The following IBTK variants were observed in gnomAD, a reference collection of about 807,000 sequenced individuals.
The protein encoded by IBTK is inhibitor of Bruton tyrosine kinase.
IBTK carries 83 observed loss-of-function variants against 154.9 expected under a neutral mutation model. The ratio of observed to expected loss-of-function variants is 0.54; its 90% confidence interval spans 0.45 to 0.64. The LOEUF is 0.64. IBTK is among the 30% of genes least tolerant of loss of function. The pLI is 0.00. For synonymous variants in IBTK, 515 were observed against 536.1 expected (o/e 0.96, Z 0.54); for missense variants, 1,332 against 1,584.6 (o/e 0.84, Z 2.71).
At position 82,214,529 on chromosome 6, in the gene IBTK, A is replaced by G. The variant is rs1769793083; in HGVS notation, c.1902T>C (p.Phe634=). The change falls in exon 12 of 29, where the codon TTT becomes TTC. Residue 634 remains phenylalanine (F), a synonymous_variant. Transcript: ENST00000306270. The part of the protein sequence containing the change: ...HPDMFEYLLQ[F]IYTDTCDFLT... ...AAAAGTCACAAGTATCTGTGTATAT[A>G]AATTGTAAAAGGTATTCAAACATGT... The G allele has an allele frequency of 1.2e-6, 2 of 1,613,942 alleles. No homozygotes were observed. The highest frequency in any genetic ancestry group is 8.5e-7 in the Non-Finnish European group (1 of 1,179,958).
chr6:82,234,967 TCTC>T (rs1268543676), intron 2 of IBTK, among the ~76,000 whole-genome samples: 2 of 151,874 alleles, frequency 1.3e-5, no homozygotes, highest in African/African-American at 4.8e-5. Flanking sequence ...TTCAAACAAT[TCTC>T]CTGACTCAGC....
chr6:82,191,090 G>T lies in IBTK; in HGVS notation c.3558C>A (p.Pro1186=). 6.4e-7 allele frequency: 1 copy of T among 1,572,546 alleles called. No individual in the cohort carries two copies. The highest frequency in any genetic ancestry group is 8.6e-7 in the Non-Finnish European group (1 of 1,157,736). The change falls in exon 25 of 29, where the codon CCC becomes CCA. Residue 1186 remains proline (P), a synonymous_variant. Transcript: ENST00000306270. The part of the protein sequence containing the change: ...ETVLFTPSKA[P]KPVNAWASSL... ...GAGCATACCATGCATTCACTGGTTT[G>T]GGGGCTTTTGAAGGAGTGAATAAAA...
intron 6 of IBTK, 41 bp downstream of exon 6, chr6:82,225,436 T>G: frequency 6.6e-7 from 1 of 1,518,672 alleles, no homozygotes; most frequent in Non-Finnish European, 9.0e-7. Flanking sequence ...CAGGTTTTAT[T>G]GCAAATGTAA....
At position 82,209,778 on chromosome 6, in the gene IBTK, T is replaced by C. The variant is rs117282443; in HGVS notation, c.2509+1036A>G. 6.1e-3 allele frequency among the ~76,000 whole-genome samples: 923 copies of C among 152,344 alleles called. 3 individuals are homozygous for C. Among genetic ancestry groups the C allele is most frequent in the Non-Finnish European group, 9.7e-3 (661 of 68,036 alleles). ...AGAAAAACATACCATGTCTCAGTTATCTTACTCTCAAGTATACAAATCTTC... is the reference window on the plus strand; with the variant it reads ...AGAAAAACATACCATGTCTCAGTTACCTTACTCTCAAGTATACAAATCTTC... On this transcript the variant is annotated intron_variant, in intron 16 of 28. Transcript: ENST00000306270.
In IBTK at chr6:82,191,834, T is replaced by C. The variant is rs138973030; in HGVS notation, c.3384A>G (p.Ile1128Met). 6.2e-7 allele frequency: 1 copy of C among 1,612,288 alleles called. No homozygotes were observed. Among genetic ancestry groups the C allele is most frequent in the African/African-American group, 1.3e-5 (1 of 74,980 alleles). The change falls in exon 24 of 29, where the codon ATA becomes ATG. Residue 1128 changes from isoleucine to methionine, a missense_variant. Physicochemically the swap from Ile to Met is conservative, Grantham distance 10 (BLOSUM62 1). This residue lies in a region of IBTK where 1,134 missense variants were observed against 1,274.7 expected (regional missense o/e 0.89). Coordinates refer to ENST00000306270, the MANE Select transcript of IBTK (RefSeq NM_015525.4). ...CTCCACATTTTTGTCTACTTTCTTC[T>C]ATTTCCATGATAGTTCTGAGATCCA... is the stretch of plus-strand genomic sequence containing the variant. ...PVVDLRTIME[I>M]EESRQKCGAT...
intron 16 of IBTK, among the ~76,000 whole-genome samples, chr6:82,207,786 C>A (rs1280221764): frequency 6.6e-6 from 1 of 152,080 alleles, no homozygotes; most frequent in East Asian, 1.9e-4. Flanking sequence ...AATTTATTGT[C>A]AGTTGATTTT....
intron 3 of IBTK, 25 bp downstream of exon 3, chr6:82,234,134 C>A: frequency 1.6e-6 from 2 of 1,238,922 alleles, no homozygotes; most frequent in Non-Finnish European, 2.4e-6. Flanking sequence ...CCGCAGCGCC[C>A]AGCCCATTTG....
intron 16 of IBTK, among the ~76,000 whole-genome samples, 178 bp downstream of exon 16, chr6:82,210,636 G>A (rs1402067337): frequency 1.3e-5 from 2 of 151,628 alleles, no homozygotes; most frequent in African/African-American, 4.8e-5. Context: ...ACTAGCCTGG[G>A]CAACATAGTA....
At position 82,196,343 on chromosome 6, in the gene IBTK, T is replaced by C; in HGVS notation, c.3129A>G (p.Leu1043=). ...SYAGVGSPRD[L]QSPDFTTGFH... ...ATCCTGTTGTGAAATCAGGGGACTG[T>C]AAATCTCTAGGACTACCCACTCCTG... The change falls in exon 22 of 29, where the codon TTA becomes TTG. Residue 1043 remains leucine, a synonymous_variant. Transcript: ENST00000306270. 6.2e-7 allele frequency: 1 copy of C among 1,611,066 alleles called. No individual in the cohort carries two copies. The highest frequency in any genetic ancestry group is 8.5e-7 in the Non-Finnish European group (1 of 1,178,674).
intron 26 of IBTK, among the ~76,000 whole-genome samples, chr6:82,178,346 C>T (rs549787162): frequency 6.6e-6 from 1 of 151,934 alleles, no homozygotes; most frequent in African/African-American, 2.4e-5. Context: ...CATGACAAAT[C>T]GTTATATATC....
rs1769321392 is a variant in IBTK, at chr6:82,204,417, G to T, written c.2611+440C>A. Among the ~76,000 whole-genome samples, 2 of 152,058 alleles carry T rather than the reference G, an allele frequency of 1.3e-5. 1 individual carries two copies. The highest frequency in any genetic ancestry group is 4.8e-5 in the African/African-American group (2 of 41,414). On this transcript the variant is annotated intron_variant, in intron 17 of 28. Coordinates refer to ENST00000306270, the MANE Select transcript of IBTK (RefSeq NM_015525.4). ...AGATAATGAAGAGAGCAAGAAAGAA[G>T]AGTTCAAGAAAAAAAGAGATGTGCT...
Position 82,181,892 on chromosome 6 carries a change from G to T in IBTK, c.3712C>A (p.Pro1238Thr). The T allele has an allele frequency of 1.3e-6, 2 of 1,576,982 alleles. No individual in the cohort carries two copies. The highest frequency in any genetic ancestry group is 2.4e-5 in the South Asian group (2 of 84,146). The change falls in exon 26 of 29, where the codon CCA becomes ACA. Residue 1238 changes from proline (P) to threonine (T), a missense_variant. Pro to Thr is a conservative substitution (Grantham distance 38). Transcript: ENST00000306270. ...TTGTTTTATTACCTGACAATTTTTG[G>T]TGCCTGAGAATTTTCAATTCCTTTA... ...SFKGIENSQA[P>T]KIVRCSTHGT...
At chr6:82,222,031 G>A (rs1474361922) in intron 8 of IBTK, among the ~76,000 whole-genome samples, 1 of 152,136 alleles carries the variant, frequency 6.6e-6, no homozygotes, top group African/African-American at 2.4e-5. Context: ...AGCTGGGCAT[G>A]ATGGCAGATG....
At chr6:82,200,058 A>T in intron 21 of IBTK, 83 bp downstream of exon 21, 1 of 878,600 alleles carries the variant, frequency 1.1e-6, no homozygotes, top group Non-Finnish European at 1.8e-6. Context: ...AGGACTGTTT[A>T]TTTCAGTAGC....
At position 82,181,975 on chromosome 6, in the gene IBTK, T is replaced by C. The variant is rs1268567716; in HGVS notation, c.3629A>G (p.Glu1210Gly). ...ATGGCTAGTAACAGACTTTTTTTCT[T>C]CTAGTAAGAAATCCCGGAATGACTT... ...SSKSFRDFLL[E>G]EKKSVTSHSS... The change falls in exon 26 of 29, where the codon GAA (glutamate) becomes GGA (glycine). Residue 1210 changes from glutamate (E) to glycine (G), a missense_variant. Glu to Gly is a moderately conservative substitution (Grantham distance 98, BLOSUM62 -2). Transcript: ENST00000306270. The C allele has an allele frequency of 6.2e-7, 1 of 1,606,828 alleles. No homozygotes were observed. The highest frequency in any genetic ancestry group is 8.5e-7 in the Non-Finnish European group (1 of 1,178,464).
chr6:82,174,340 C>T (rs1320788305), intron 26 of IBTK, among the ~76,000 whole-genome samples: 1 of 152,052 alleles, frequency 6.6e-6, no homozygotes, highest in Non-Finnish European at 1.5e-5. Flanking sequence ...TAAAAATATA[C>T]TTAAGCAATG....
At chr6:82,172,706 T>C (rs927349069) in intron 27 of IBTK, 194 bp from the exon 28 acceptor site, 8 of 551,198 alleles carry the variant, frequency 1.5e-5, no homozygotes, top group Non-Finnish European at 2.2e-5. Flanking sequence ...AAATTTTCTC[T>C]GAAATACTCT....
intron 16 of IBTK, 72 bp from the exon 17 acceptor site, chr6:82,205,030 A>T (rs915132486): frequency 4.7e-5 from 37 of 785,242 alleles, no homozygotes; most frequent in Admixed American, 1.2e-4. Context: ...AATTTGAAGT[A>T]ATTAGTACAC....
intron 26 of IBTK, among the ~76,000 whole-genome samples, chr6:82,176,521 C>CAAAAAAAAAAAA (rs749153646): frequency 1.6e-5 from 1 of 61,486 alleles, no homozygotes; most frequent in Non-Finnish European, 3.3e-5. Flanking sequence ...GAGTCCGTCT[C>CAAAAAAAAAAAA]AAAAAAAAAA....
Sources: gnomAD v4.1 joint callset for allele counts (sites outside exome capture counted in the v4.1 genomes callset) on GRCh38, gnomAD v4.1.1 for gene constraint, gnomAD v4.1.1 regional missense constraint, MANE v1.5 for transcripts, NCBI Gene and HGNC (gene_info 2026-07-23, HGNC 2026-07-21) for gene names.